The following ZFP37 variants were observed in gnomAD, a reference collection of about 807,000 sequenced individuals.
ZFP37 encodes ZFP37 zinc finger protein, also known as zinc finger protein 37 homolog.
In ZFP37, 38 loss-of-function variants were observed where a neutral mutation model predicts 52.1. The ratio of observed to expected loss-of-function variants is 0.73; its 90% CI spans 0.56 to 0.96. ZFP37 has a LOEUF of 0.96. Among genes scored for constraint, ZFP37 ranks in the 40% least tolerant of loss-of-function variants. The pLI is 0.00. For synonymous variants in ZFP37, 253 were observed against 259.5 expected (o/e 0.98, Z 0.24); for missense variants, 695 against 741.4 (o/e 0.94, Z 0.73).
chr9:113,048,573 G>A (rs1461827713), intron 3 of ZFP37, among the ~76,000 whole-genome samples: 2 of 152,134 alleles, frequency 1.3e-5, no homozygotes, highest in Non-Finnish European at 2.9e-5. Flanking sequence ...ATAAGGATAT[G>A]TGGCTATATG....
At chr9:113,051,464 G>T (rs926207892) in intron 1 of ZFP37, among the ~76,000 whole-genome samples, 2 of 151,916 alleles carry the variant, frequency 1.3e-5, no homozygotes, top group Non-Finnish European at 2.9e-5. Flanking sequence ...GCAGTGGGGT[G>T]GGGGAGCAGA....
chr9:113,043,321 A>G lies in ZFP37; in HGVS notation c.1297T>C (p.Tyr433His), dbSNP rs375680819. 27 of 1,614,046 alleles carry G rather than the reference A, an allele frequency of 1.7e-5. No homozygotes were observed. The highest frequency in any genetic ancestry group is 2.1e-5 in the Non-Finnish European group (25 of 1,179,960). The change falls in exon 4 of 4, where the codon TAT (tyrosine) becomes CAT (histidine). Residue 433 changes from tyrosine (Y) to histidine (H), a missense_variant. Tyr to His is a moderately conservative substitution (Grantham distance 83, BLOSUM62 2). Around this residue, in one of 2 missense-constraint regions of ZFP37, gnomAD observed 326 missense variants for 400.5 expected, o/e 0.81. Coordinates refer to ENST00000374227, the MANE Select transcript of ZFP37 (RefSeq NM_003408.3). ...GCTTTTCCACATTCATTGCATTCAT[A>G]TGGTATTTCACCTGTATGTGTTCTC... Reference protein sequence around the residue: ...HVRTHTGEIPYECNECGKAFK... With the variant: ...HVRTHTGEIPHECNECGKAFK...
chr9:113,044,501 G>A (rs1376977240), intron 3 of ZFP37, among the ~76,000 whole-genome samples: 1 of 152,132 alleles, frequency 6.6e-6, no homozygotes, highest in African/African-American at 2.4e-5. Flanking sequence ...AAAAATATGA[G>A]TGAGCAACCT....
chr9:113,046,147 T>C (rs1275044826), intron 3 of ZFP37, among the ~76,000 whole-genome samples: 1 of 150,368 alleles, frequency 6.7e-6, no homozygotes, highest in African/African-American at 2.4e-5. Flanking sequence ...TCTGTCTATA[T>C]ATATAGACAG....
rs1446842097 is a variant in ZFP37, at chr9:113,049,832, T to G, written c.173A>C (p.Asn58Thr). Reference sequence around the variant, plus strand: ...GCAGTAGTTCTCCAGCATCACATCATTATACAGGTTGCTCTGAGCAGGATC... The same window carrying G: ...GCAGTAGTTCTCCAGCATCACATCAGTATACAGGTTGCTCTGAGCAGGATC... ...QLDPAQSNLY[N>T]DVMLENYCNQ... The change falls in exon 2 of 4, where the codon AAT (asparagine) becomes ACT (threonine). Residue 58 changes from asparagine (N) to threonine (T), a missense_variant. Transcript: ENST00000374227. The G allele has an allele frequency of 6.2e-7, 1 of 1,614,098 alleles. No homozygotes were observed. Among genetic ancestry groups the G allele is most frequent in the East Asian group, 2.2e-5 (1 of 44,878 alleles).
At position 113,054,193 on chromosome 9, in the gene ZFP37, G is replaced by A. The variant is rs1365354730; in HGVS notation, c.132+2364C>T. Among the ~76,000 whole-genome samples, 9 of 152,122 alleles carry A rather than the reference G, an allele frequency of 5.9e-5. No individual in the cohort carries two copies. In the East Asian group the frequency reaches 1.7e-3, roughly 29 times the overall value. ...CAAATGATCTCTAGTCCTGCTTTTA[G>A]GACTCAAAAGCATATATGACAATTG... is the stretch of plus-strand genomic sequence containing the variant. On this transcript the variant is annotated intron_variant, in intron 1 of 3. Coordinates refer to ENST00000374227, the MANE Select transcript of ZFP37 (RefSeq NM_003408.3).
rs1226396387 is a variant in ZFP37, at chr9:113,040,533, C to T, written c.*2192G>A. Reference sequence around the variant, plus strand: ...GTGTGCACATGCACATACACGAACACATATTCCATTCTCAATATATTATAT... The same window carrying T: ...GTGTGCACATGCACATACACGAACATATATTCCATTCTCAATATATTATAT... On this transcript the variant is annotated 3_prime_UTR_variant, in exon 4 of 4. Coordinates refer to ENST00000374227, the MANE Select transcript of ZFP37 (RefSeq NM_003408.3). 1 of 152,216 alleles carries T rather than the reference C, an allele frequency of 6.6e-6. No homozygotes were observed. Among genetic ancestry groups the T allele is most frequent in the Non-Finnish European group, 1.5e-5 (1 of 68,038 alleles). 9.4% of individuals were successfully genotyped at this position (152,216 alleles called of 1,614,324 possible). A position where few individuals can be genotyped will look rare whatever the true frequency, so the allele number is the denominator to read the frequency against.
intron 3 of ZFP37, among the ~76,000 whole-genome samples, chr9:113,047,964 A>G (rs1158728191): frequency 1.3e-5 from 2 of 152,250 alleles, no homozygotes; most frequent in Non-Finnish European, 2.9e-5. Flanking sequence ...TGAATAATCA[A>G]TACAATTTTA....
At chr9:113,048,123 A>C (rs972268502) in intron 3 of ZFP37, among the ~76,000 whole-genome samples, 1 of 152,256 alleles carries the variant, frequency 6.6e-6, no homozygotes, top group African/African-American at 2.4e-5. Context: ...TGAGAACTTC[A>C]AGCTAACAAA....
At chr9:113,054,825 C>T (rs1829113759) in intron 1 of ZFP37, among the ~76,000 whole-genome samples, 1 of 152,186 alleles carries the variant, frequency 6.6e-6, no homozygotes, top group Non-Finnish European at 1.5e-5. Flanking sequence ...TTCTAAATCA[C>T]CATAATCTCT....
intron 1 of ZFP37, 152 bp from the exon 2 acceptor site, chr9:113,050,024 A>G: frequency 1.7e-6 from 2 of 1,207,974 alleles, no homozygotes; most frequent in Non-Finnish European, 2.2e-6. Flanking sequence ...TGATCATGAT[A>G]TTATAAAGGA....
At chr9:113,049,537 C>G (rs997866664) in intron 2 of ZFP37, 41 bp from the exon 3 acceptor site, 25 of 1,591,890 alleles carry the variant, frequency 1.6e-5, no homozygotes, top group Non-Finnish European at 2.0e-5. Context: ...TTAGAACAAC[C>G]ATCCCAGAAA....
Position 113,042,936 on chromosome 9 carries a change from A to G in ZFP37, c.1682T>C (p.Ile561Thr). 2.5e-6 allele frequency: 4 copies of G among 1,613,898 alleles called. No homozygotes were observed. Among genetic ancestry groups the G allele is most frequent in the East Asian group, 2.2e-5 (1 of 44,868 alleles). The change falls in exon 4 of 4, where the codon ATT becomes ACT. Residue 561 changes from isoleucine (I) to threonine (T), a missense_variant. Around this residue, in one of 2 missense-constraint regions of ZFP37, gnomAD observed 326 missense variants for 400.5 expected, o/e 0.81. Coordinates refer to ENST00000374227, the MANE Select transcript of ZFP37 (RefSeq NM_003408.3). ...CCCAGTATGAGTTCTCTGATGTACA[A>G]TGAGGTGAGACTTTTGGCTAAAGGC... ...GKAFSQKSHLIVHQRTHTGEK... is the reference protein window; with the variant it reads ...GKAFSQKSHLTVHQRTHTGEK...
rs1828890779 is a variant in ZFP37 at position 113,043,432 on chromosome 9, C to A, written c.1186G>T (p.Val396Leu). ...FRHSSNLIQH[V>L]RSHTGEKPYE... ...GGCTTCTCACCTGTGTGAGATCTCACATGTTGAATAAGGTTTGAGCTGTGT... is the reference window on the plus strand; with the variant it reads ...GGCTTCTCACCTGTGTGAGATCTCAAATGTTGAATAAGGTTTGAGCTGTGT... The change falls in exon 4 of 4, where the codon GTG (valine) becomes TTG (leucine). Residue 396 changes from valine to leucine, a missense_variant. Coordinates refer to ENST00000374227, the MANE Select transcript of ZFP37 (RefSeq NM_003408.3). 1 of 1,614,074 alleles carries A rather than the reference C, an allele frequency of 6.2e-7. No homozygotes were observed. The highest frequency in any genetic ancestry group is 8.5e-7 in the Non-Finnish European group (1 of 1,179,966).
intron 3 of ZFP37, among the ~76,000 whole-genome samples, chr9:113,044,949 C>A (rs1340188115): frequency 6.6e-6 from 1 of 151,884 alleles, no homozygotes; most frequent in Admixed American, 6.6e-5. Flanking sequence ...TTTCAATTCC[C>A]AATGGCTTCC....
chr9:113,049,468 G>A lies in ZFP37; in HGVS notation c.243C>T (p.Ile81=), dbSNP rs766493765. Reference sequence around the variant, plus strand: ...GTGCTTCTCCTTTTTCCAACTTGGAGATCATGTCTGGTTTGGGAGCTTGAC... The same window carrying A: ...GTGCTTCTCCTTTTTCCAACTTGGAAATCATGTCTGGTTTGGGAGCTTGAC... ...MGCQAPKPDM[I]SKLEKGEAPW... Residue 81 remains isoleucine (I), a synonymous_variant, in exon 3 of 4, where the codon ATC becomes ATT. Coordinates refer to ENST00000374227, the MANE Select transcript of ZFP37 (RefSeq NM_003408.3). 6 of 1,613,780 alleles carry A rather than the reference G, an allele frequency of 3.7e-6. No homozygotes were observed. The Admixed American group carries it at 6.7e-5, about 18-fold the overall frequency.
At chr9:113,050,724 T>C (rs975026705) in intron 1 of ZFP37, among the ~76,000 whole-genome samples, 61 of 151,918 alleles carry the variant, frequency 4.0e-4, no homozygotes, top group Admixed American at 1.2e-3. Context: ...CTGGCCAACA[T>C]GGTCTCTATT....
chr9:113,055,650 TCA>T (rs1210469629), intron 1 of ZFP37, among the ~76,000 whole-genome samples: 1 of 152,144 alleles, frequency 6.6e-6, no homozygotes, highest in African/African-American at 2.4e-5. Context: ...TCACTAACCT[TCA>T]CAAACTTCTC....
At chr9:113,051,276 G>A (rs997239146) in intron 1 of ZFP37, among the ~76,000 whole-genome samples, 1 of 152,162 alleles carries the variant, frequency 6.6e-6, no homozygotes, top group Non-Finnish European at 1.5e-5. Context: ...AACTAGGGGG[G>A]TGGGAGTAGG....
Sources: allele counts gnomAD v4.1 joint callset (sites outside exome capture counted in the v4.1 genomes callset), GRCh38; gene constraint gnomAD v4.1.1; regional missense constraint gnomAD v4.1.1; transcripts MANE v1.5; gene names NCBI Gene and HGNC (gene_info 2026-07-23, HGNC 2026-07-21).